The following MTMR9 variants were observed in gnomAD, a reference collection of about 807,000 sequenced individuals.
MTMR9 encodes myotubularin related protein 9.
MTMR9 carries 39 observed loss-of-function variants against 69.5 expected under a neutral mutation model. The observed-to-expected ratio is 0.56, with a 90% confidence interval of 0.43 to 0.73. The LOEUF is 0.73. MTMR9 is among the 30% of genes least tolerant of loss of function. MTMR9 has a pLI of 0.00. For missense variants in MTMR9, 900 were observed against 671.2 expected (o/e 1.34, Z -3.77); for synonymous variants, 354 against 240.8 (o/e 1.47, Z -4.35).
intron 9 of MTMR9, chr8:11,321,505 G>T (rs546653864): frequency 2.2e-6 from 1 of 456,762 alleles, no homozygotes; most frequent in Non-Finnish European, 4.4e-6. Flanking sequence ...TCCTTGTGGA[G>T]CTTAGAGATA....
At chr8:11,302,373 C>G (rs998733301) in intron 3 of MTMR9, among the ~76,000 whole-genome samples, 7 of 148,690 alleles carry the variant, frequency 4.7e-5, no homozygotes, top group Non-Finnish European at 8.9e-5. Context: ...AGTTATTGAA[C>G]CCTTAAGCTG....
chr8:11,329,582 C>T (rs1801112827), downstream of MTMR9, among the ~76,000 whole-genome samples: 1 of 152,240 alleles, frequency 6.6e-6, no homozygotes. Flanking sequence ...TCCTGAGGTG[C>T]CGGGATTGTA....
chr8:11,287,142 G>C (rs1385982576), intron 1 of MTMR9, among the ~76,000 whole-genome samples: 1 of 152,172 alleles, frequency 6.6e-6, no homozygotes, highest in Non-Finnish European at 1.5e-5. Context: ...TCCACAACTG[G>C]AATTCATTTT....
At chr8:11,306,546 A>ATT in intron 5 of MTMR9, 139 bp downstream of exon 5, 2 of 721,778 alleles carry the variant, frequency 2.8e-6, no homozygotes, top group Non-Finnish European at 4.4e-6. Context: ...CCATCTTCTC[A>ATT]TTTTTTTTTG....
chr8:11,330,473 G>A (rs1441728425), downstream of MTMR9, among the ~76,000 whole-genome samples: 1 of 152,246 alleles, frequency 6.6e-6, no homozygotes, highest in African/African-American at 2.4e-5. Context: ...TTGTGGAATA[G>A]AAAAGGGGGA....
intron 1 of MTMR9, among the ~76,000 whole-genome samples, chr8:11,287,723 A>G (rs1043517993): frequency 7.7e-6 from 1 of 130,446 alleles, no homozygotes; most frequent in African/African-American, 3.2e-5. Context: ...TATAATATAT[A>G]TTATATATTA....
At chr8:11,289,626 A>G (rs187977445) in intron 1 of MTMR9, among the ~76,000 whole-genome samples, 1 of 152,220 alleles carries the variant, frequency 6.6e-6, no homozygotes, top group East Asian at 1.9e-4. Flanking sequence ...TTCCTGCCTC[A>G]TCCACAATCC....
chr8:11,311,745 T>A (rs1223083127), intron 6 of MTMR9, among the ~76,000 whole-genome samples: 1 of 152,198 alleles, frequency 6.6e-6, no homozygotes, highest in Non-Finnish European at 1.5e-5. Flanking sequence ...TGACTCTTCC[T>A]TTCATGAAAG....
At chr8:11,321,026 A>G (rs1238097803) in intron 9 of MTMR9, 1 of 159,490 alleles carries the variant, frequency 6.3e-6, no homozygotes, top group African/African-American at 2.4e-5. Context: ...AACGGGTCTC[A>G]GATTGCTTTG....
At chr8:11,319,956 G>GTGAAT (rs1250740398) in intron 9 of MTMR9, 118 bp downstream of exon 9, 3 of 931,816 alleles carry the variant, frequency 3.2e-6, no homozygotes, top group Non-Finnish European at 3.1e-6. Flanking sequence ...TCAGACCTGT[G>GTGAAT]TGAATTGTCA....
intron 1 of MTMR9, chr8:11,294,977 A>C (rs1302256971): frequency 6.3e-6 from 2 of 315,244 alleles, no homozygotes; most frequent in Non-Finnish European, 1.1e-5. Flanking sequence ...CTTAATGTGA[A>C]TTACTTTATA....
At position 11,295,290 on chromosome 8, in the gene MTMR9, C is replaced by T. The variant is rs750192235; in HGVS notation, c.279C>T (p.Ala93=). 2.5e-6 allele frequency: 4 copies of T among 1,586,176 alleles called. No homozygotes were observed. In the Admixed American group the frequency reaches 6.7e-5, roughly 27 times the overall value. ...IPGMEECLNI[A]SSIEALSTLD... Reference sequence around the variant, plus strand: ...GAATGGAGGAATGCTTGAATATAGCCAGTTCCATTGAGGTAAGTATTTTGG... The same window carrying T: ...GAATGGAGGAATGCTTGAATATAGCTAGTTCCATTGAGGTAAGTATTTTGG... The change falls in exon 2 of 10, where the codon GCC becomes GCT. Residue 93 remains alanine, a synonymous_variant. Coordinates refer to ENST00000221086, the MANE Select transcript of MTMR9 (RefSeq NM_015458.4).
the MTMR9 span, among the ~76,000 whole-genome samples, chr8:11,336,684 G>T: frequency 1.3e-5 from 2 of 152,192 alleles, no homozygotes; most frequent in South Asian, 2.1e-4. Flanking sequence ...TGCTCGACAG[G>T]TCCAATATTT....
the MTMR9 span, among the ~76,000 whole-genome samples, chr8:11,339,420 C>G: frequency 6.6e-6 from 1 of 152,212 alleles, no homozygotes; most frequent in South Asian, 2.1e-4. Flanking sequence ...CCAAAGGGTC[C>G]TTAATCATTT....
intron 1 of MTMR9, among the ~76,000 whole-genome samples, chr8:11,285,560 TA>T (rs1799118057): frequency 6.6e-6 from 1 of 152,200 alleles, no homozygotes. Context: ...TATTATTTCT[TA>T]CCTTCTGGGT....
Position 11,295,241 on chromosome 8 carries a change from G to C in MTMR9, c.230G>C (p.Arg77Pro), listed in dbSNP as rs370972294. ...GTIIIKCKDF[R>P]IIQLDIPGME... ...ATCATCATAAAATGTAAAGATTTTC[G>C]AATTATTCAGTTGGATATTCCTGGA... Residue 77 changes from arginine (R) to proline (P), a missense_variant, in exon 2 of 10, where the codon CGA becomes CCA. By Grantham distance (103) the Arg-to-Pro change is moderately radical. Coordinates refer to ENST00000221086, the MANE Select transcript of MTMR9 (RefSeq NM_015458.4). 6.2e-7 allele frequency: 1 copy of C among 1,611,526 alleles called. No homozygotes were observed. The highest frequency in any genetic ancestry group is 1.1e-5 in the South Asian group (1 of 90,850).
rs1250588884 is a variant in MTMR9 at position 11,306,239 on chromosome 8, G to C, written c.641G>C (p.Cys214Ser). 6.2e-7 allele frequency: 1 copy of C among 1,613,710 alleles called. No homozygotes were observed. The highest frequency in any genetic ancestry group is 8.5e-7 in the Non-Finnish European group (1 of 1,179,922). The change falls in exon 5 of 10, where the codon TGC (cysteine) becomes TCC (serine). Residue 214 changes from cysteine (C) to serine (S), a missense_variant. Transcript: ENST00000221086. Reference protein sequence around the residue: ...QPLTGTNGRRCKEDEKLINAT... With the variant: ...QPLTGTNGRRSKEDEKLINAT... ...CTCACTGGTACAAACGGGAGGAGGT[G>C]CAAGGAGGACGAGAAGCTGATAAAT...
At chr8:11,298,919 T>G in intron 2 of MTMR9, 1 of 961,868 alleles carries the variant, frequency 1.0e-6, no homozygotes, top group Non-Finnish European at 1.2e-6. Context: ...TGCCCCCATT[T>G]GAGAATGGAT....
chr8:11,330,282 G>A (rs550779016), downstream of MTMR9, among the ~76,000 whole-genome samples: 9 of 151,330 alleles, frequency 5.9e-5, no homozygotes, highest in African/African-American at 1.9e-4. Context: ...CGCCCTGTCC[G>A]GGAGGGAGGT....
Sources: allele counts gnomAD v4.1 joint callset (sites outside exome capture counted in the v4.1 genomes callset), GRCh38; gene constraint gnomAD v4.1.1; transcripts MANE v1.5; gene names NCBI Gene and HGNC (gene_info 2026-07-23, HGNC 2026-07-21).